ANGPT4: variants seen among roughly 807,000 people sequenced by gnomAD.
The protein encoded by ANGPT4 is angiopoietin-4.
In ANGPT4, 50 loss-of-function variants were observed where a neutral mutation model predicts 53.0. That is an observed-to-expected ratio of 0.94 (90% confidence interval 0.75 to 1.20). ANGPT4 has a LOEUF of 1.20. Among genes scored for constraint, ANGPT4 ranks in the 50% most tolerant of loss-of-function variants. ANGPT4 has a pLI of 0.00. For synonymous variants in ANGPT4, 251 were observed against 259.7 expected, an observed-to-expected ratio of 0.97 and a Z score of 0.32; for missense variants, 648 against 637.1, an observed-to-expected ratio of 1.02 and a Z score of -0.18.
rs1444845086 is a variant in ANGPT4, at chr20:888,393, A to C, written c.512T>G (p.Phe171Cys). 6.8e-6 allele frequency: 11 copies of C among 1,613,628 alleles called. No homozygotes were observed. The highest frequency in any genetic ancestry group is 9.3e-6 in the Non-Finnish European group (11 of 1,179,938). Residue 171 changes from phenylalanine (F) to cysteine (C), a missense_variant, in exon 3 of 9, where the codon TTT becomes TGT. Physicochemically the swap from Phe to Cys is radical, Grantham distance 205 (BLOSUM62 -2). Coordinates refer to ENST00000381922, the MANE Select transcript of ANGPT4 (RefSeq NM_015985.4). ...SRMDAQMPET[F>C]LSTNKLENQL... ...GTTCTCCAGCTTGTTGGTGGACAGAAAGGTCTCTGGCATCTGGGCATCCAT... is the reference window on the plus strand; with the variant it reads ...GTTCTCCAGCTTGTTGGTGGACAGACAGGTCTCTGGCATCTGGGCATCCAT...
rs1980916490 is a variant in ANGPT4 at position 870,893 on chromosome 20, A to T, written c.*2067T>A. On this transcript the variant is annotated 3_prime_UTR_variant, in exon 9 of 9. Coordinates refer to ENST00000381922, the MANE Select transcript of ANGPT4 (RefSeq NM_015985.4). ...TTAAGAAGATGACATACATGGTCTC[A>T]TTTCCTCCTTGCCATAGCCCAGCCA... 2.0e-5 allele frequency: 3 copies of T among 152,214 alleles called. No homozygotes were observed. Among genetic ancestry groups the T allele is most frequent in the Admixed American group, 1.3e-4 (2 of 15,276 alleles). The allele number at this position is 152,214 out of a possible 1,614,324, so 9.4% of individuals were successfully genotyped here.
At chr20:881,334 G>T in intron 4 of ANGPT4, 48 bp from the exon 5 acceptor site, 1 of 1,562,318 alleles carries the variant, frequency 6.4e-7, no homozygotes, top group Non-Finnish European at 8.8e-7. Context: ...CAAGGAAAGA[G>T]AGAAGGGGCC....
chr20:905,474 A>G (rs1418676530), intron 1 of ANGPT4, among the ~76,000 whole-genome samples: 2 of 152,164 alleles, frequency 1.3e-5, no homozygotes, highest in Admixed American at 1.3e-4. Context: ...AGGCCCAGCC[A>G]CTGCTGGAGC....
intron 1 of ANGPT4, among the ~76,000 whole-genome samples, chr20:891,244 A>G (rs184159894): frequency 3.9e-4 from 60 of 152,302 alleles, no homozygotes; most frequent in Admixed American, 3.8e-3. Context: ...TCTCCCTTGT[A>G]CAAAGAGTTT....
intron 4 of ANGPT4, among the ~76,000 whole-genome samples, chr20:884,727 T>A (rs1981541548): frequency 6.6e-6 from 1 of 151,808 alleles, no homozygotes; most frequent in African/African-American, 2.4e-5. Flanking sequence ...CAGGGAGGGG[T>A]AGGACAAGCC....
chr20:892,943 C>T (rs1431882998), intron 1 of ANGPT4, among the ~76,000 whole-genome samples: 1 of 152,206 alleles, frequency 6.6e-6, no homozygotes, highest in African/African-American at 2.4e-5. Context: ...GATGGCCACT[C>T]CCTGTTGCTG....
At position 885,450 on chromosome 20, in the gene ANGPT4, G is replaced by T. The variant is rs141812904; in HGVS notation, c.588-125C>A. 4.9e-3 allele frequency: 6,574 copies of T among 1,350,038 alleles called. 115 individuals carry two copies. Among genetic ancestry groups the T allele is most frequent in the African/African-American group, 0.032 (2,149 of 67,586 alleles). The allele number at this position is 1,350,038 out of a possible 1,614,324, so 83.6% of individuals were successfully genotyped here. A position where few individuals can be genotyped will look rare whatever the true frequency, so the allele number is the denominator to read the frequency against. On this transcript the variant is annotated intron_variant, in intron 3 of 8. Coordinates refer to ENST00000381922, the MANE Select transcript of ANGPT4 (RefSeq NM_015985.4). ...AGACTCAAGTGTGGTGGAACGTCCT[G>T]TGCCCACTGTAGGCACAGATTGAGG...
intron 7 of ANGPT4, among the ~76,000 whole-genome samples, chr20:876,806 C>G (rs1019819975): frequency 6.6e-6 from 1 of 152,082 alleles, no homozygotes; most frequent in Admixed American, 6.5e-5. Context: ...AGCTCTGGAC[C>G]TTGCATTATC....
intron 4 of ANGPT4, among the ~76,000 whole-genome samples, chr20:883,181 G>A (rs1981478591): frequency 6.6e-6 from 1 of 152,260 alleles, no homozygotes; most frequent in Non-Finnish European, 1.5e-5. Flanking sequence ...ATTAATAAGT[G>A]AAGGAGCCAG....
At position 885,108 on chromosome 20, in the gene ANGPT4, C is replaced by T. The variant is rs771917022; in HGVS notation, c.805G>A (p.Val269Met). Residue 269 changes from valine (V) to methionine (M), a missense_variant, in exon 4 of 9, where the codon GTG becomes ATG. Coordinates refer to ENST00000381922, the MANE Select transcript of ANGPT4 (RefSeq NM_015985.4). The stretch of plus-strand genomic sequence containing the variant: ...GCCGAGGCGTTAGCCCTTTCTTGCA[C>T]CAGGTGCCGCAACAACACCAGCAGC... ...RQLLVLLRHL[V>M]QERANASAPA... 2.0e-5 allele frequency: 32 copies of T among 1,613,528 alleles called. No individual in the cohort carries two copies. The highest frequency in any genetic ancestry group is 2.5e-5 in the Non-Finnish European group (30 of 1,179,898).
chr20:876,620 T>C (rs1412028826), intron 7 of ANGPT4, among the ~76,000 whole-genome samples: 3 of 152,170 alleles, frequency 2.0e-5, no homozygotes. Context: ...AAGCACCCAT[T>C]CTACAGATGA....
Position 878,216 on chromosome 20 carries a change from C to T in ANGPT4, c.1165G>A (p.Glu389Lys), listed in dbSNP as rs958075097. Residue 389 changes from glutamate (E) to lysine (K), a missense_variant, in exon 7 of 9, where the codon GAG (glutamate) becomes AAG (lysine). Physicochemically the swap from Glu to Lys is moderately conservative, Grantham distance 56. Coordinates refer to ENST00000381922, the MANE Select transcript of ANGPT4 (RefSeq NM_015985.4). ...RVELQDWEGH[E>K]AYAQYEHFHL... The stretch of plus-strand genomic sequence containing the variant: ...AAATGTTCGTACTGGGCATAGGCCT[C>T]GTGGCCTTCCCAGTCTTGCAGCTCC... The T allele has an allele frequency of 9.9e-6, 16 of 1,612,540 alleles. No individual in the cohort carries two copies. Among genetic ancestry groups the T allele is most frequent in the Admixed American group, 3.3e-5 (2 of 60,000 alleles).
chr20:890,395 C>T (rs201472997), intron 1 of ANGPT4, 27 bp from the exon 2 acceptor site: 1,282 of 891,682 alleles, frequency 1.4e-3, no homozygotes, highest in Admixed American at 1.9e-3. Flanking sequence ...GCTGGGGTCA[C>T]GGGGGAGGGG....
chr20:888,279 C>G, intron 3 of ANGPT4, 39 bp downstream of exon 3: 1 of 1,594,980 alleles, frequency 6.3e-7, no homozygotes, highest in Non-Finnish European at 8.5e-7. Context: ...ACTCCAGCCC[C>G]AGCCCCTGTC....
intron 1 of ANGPT4, among the ~76,000 whole-genome samples, chr20:896,875 T>C (rs776011994): frequency 1.3e-5 from 2 of 152,212 alleles, no homozygotes; most frequent in Non-Finnish European, 2.9e-5. Flanking sequence ...TATCTTACTA[T>C]GTGTCAGGAC....
chr20:900,701 C>G (rs775533997), intron 1 of ANGPT4, among the ~76,000 whole-genome samples: 17 of 152,100 alleles, frequency 1.1e-4, no homozygotes, highest in Non-Finnish European at 2.2e-4. Flanking sequence ...TGAATATTTC[C>G]AAATGAAGAA....
chr20:872,703 C>A lies in ANGPT4; in HGVS notation c.*257G>T. 2.0e-6 allele frequency: 1 copy of A among 489,244 alleles called. No homozygotes were observed. Among genetic ancestry groups the A allele is most frequent in the East Asian group, 3.6e-5 (1 of 27,640 alleles). The allele number at this position is 489,244 out of a possible 1,614,324, so 30.3% of individuals were successfully genotyped here. ...GGTACTGTGACCCTCAGGCAGGGAGCCCCTGAAGGGGGAGGGAGAGAAGAG... is the reference window on the plus strand; with the variant it reads ...GGTACTGTGACCCTCAGGCAGGGAGACCCTGAAGGGGGAGGGAGAGAAGAG... On this transcript the variant is annotated 3_prime_UTR_variant, in exon 9 of 9. Coordinates refer to ENST00000381922, the MANE Select transcript of ANGPT4 (RefSeq NM_015985.4).
At chr20:887,996 T>C (rs11908593) in intron 3 of ANGPT4, among the ~76,000 whole-genome samples, 46,965 of 151,888 alleles carry the variant, frequency 0.31, 7,572 homozygotes, top group East Asian at 0.53. Flanking sequence ...AGGCAATGTG[T>C]TTGCCTGGCT....
intron 1 of ANGPT4, among the ~76,000 whole-genome samples, chr20:898,367 CACAG>C (rs1474501841): frequency 6.6e-6 from 1 of 152,192 alleles, no homozygotes; most frequent in Non-Finnish European, 1.5e-5. Context: ...GAGCTGAAGG[CACAG>C]TCAAGGTTAA....
Sources: gnomAD v4.1 joint callset for allele counts (sites outside exome capture counted in the v4.1 genomes callset) on GRCh38, gnomAD v4.1.1 for gene constraint, MANE v1.5 for transcripts, NCBI Gene and HGNC (gene_info 2026-07-23, HGNC 2026-07-21) for gene names.